Variants in HEPHL1 observed in about 807,000 individuals in gnomAD.
HEPHL1 encodes the protein ferroxidase HEPHL1.
In HEPHL1, 123 loss-of-function variants were observed where a neutral mutation model predicts 122.0. The ratio of observed to expected loss-of-function variants is 1.01; its 90% CI spans 0.87 to 1.17. HEPHL1 has a LOEUF of 1.17. Ranked by LOEUF, HEPHL1 falls within the 50% of genes most tolerant of loss-of-function variation. The probability of loss-of-function intolerance (pLI) is 0.00; values close to 1 mark genes in which losing one functional copy is unlikely to be tolerated. For synonymous variants in HEPHL1, 527 were observed against 508.9 expected, an observed-to-expected ratio of 1.04 and a Z score of -0.48; for missense variants, 1,452 against 1,430.5, an observed-to-expected ratio of 1.01 and a Z score of -0.24.
chr11:94,030,207 C>CCCATTGT (rs1340089661), intron 1 of HEPHL1, among the ~76,000 whole-genome samples: 1 of 152,182 alleles, frequency 6.6e-6, no homozygotes, highest in Non-Finnish European at 1.5e-5. Flanking sequence ...CCTTGCTGTG[C>CCCATTGT]CACCTTACTG....
chr11:94,104,493 A>G (rs1277443682), intron 15 of HEPHL1, 35 bp from the exon 16 acceptor site: 1 of 1,404,292 alleles, frequency 7.1e-7, no homozygotes, highest in Admixed American at 1.7e-5. Context: ...AAATTACTTA[A>G]TGGCTCTTTT....
intron 2 of HEPHL1, chr11:94,055,609 A>T (rs1591471199): frequency 2.8e-6 from 1 of 357,660 alleles, no homozygotes; most frequent in South Asian, 2.3e-5. Context: ...TCTCTTAGTG[A>T]TGTACAGCAG....
intron 1 of HEPHL1, among the ~76,000 whole-genome samples, chr11:94,044,968 T>A (rs961685462): frequency 7.2e-5 from 11 of 152,078 alleles, no homozygotes; most frequent in Non-Finnish European, 1.0e-4. Context: ...CAGGCTGGCA[T>A]GATCATGGCT....
At chr11:94,101,372 G>T in intron 14 of HEPHL1, 37 bp downstream of exon 14, 1 of 1,587,744 alleles carries the variant, frequency 6.3e-7, no homozygotes, top group Non-Finnish European at 8.6e-7. Flanking sequence ...TCTTGAAGAA[G>T]AACATTGGCG....
At chr11:94,080,171 A>G (rs2945639) in intron 9 of HEPHL1, among the ~76,000 whole-genome samples, 76,744 of 152,004 alleles carry the variant, frequency 0.5, 19,660 homozygotes, top group Admixed American at 0.58. Flanking sequence ...TCTTTGACAA[A>G]CCTGACAAAA....
chr11:94,053,846 T>A (rs1215871401), intron 2 of HEPHL1, among the ~76,000 whole-genome samples: 1 of 152,260 alleles, frequency 6.6e-6, no homozygotes, highest in Admixed American at 6.5e-5. Flanking sequence ...CTTTTCAATG[T>A]ATTGAAACTT....
At chr11:94,055,681 G>C (rs1945930613) in intron 2 of HEPHL1, 1 of 387,760 alleles carries the variant, frequency 2.6e-6, no homozygotes, top group African/African-American at 2.0e-5. Flanking sequence ...GCTAGTGACA[G>C]GCTGGAAGAC....
intron 10 of HEPHL1, among the ~76,000 whole-genome samples, chr11:94,083,767 A>T (rs1946193710): frequency 6.6e-6 from 1 of 151,970 alleles, no homozygotes; most frequent in Admixed American, 6.6e-5. Context: ...GGAGTAGTAC[A>T]TTTCAGTGTC....
intron 17 of HEPHL1, among the ~76,000 whole-genome samples, chr11:94,107,095 A>G (rs147792519): frequency 1.3e-5 from 2 of 152,356 alleles, no homozygotes; most frequent in African/African-American, 4.8e-5. Context: ...CGAAGTTCTC[A>G]GTGCTTTCTA....
intron 12 of HEPHL1, among the ~76,000 whole-genome samples, chr11:94,090,721 C>T (rs190336839): frequency 6.6e-6 from 1 of 152,206 alleles, no homozygotes; most frequent in South Asian, 2.1e-4. Flanking sequence ...CCCAGTGACA[C>T]ATACCCCTTC....
chr11:94,033,226 C>A (rs1056114276), intron 1 of HEPHL1, among the ~76,000 whole-genome samples: 2 of 152,154 alleles, frequency 1.3e-5, no homozygotes, highest in African/African-American at 4.8e-5. Flanking sequence ...TTGCCTTATG[C>A]CCCTTAGTTG....
chr11:94,089,681 C>T (rs999415704), intron 12 of HEPHL1, among the ~76,000 whole-genome samples: 1 of 151,764 alleles, frequency 6.6e-6, no homozygotes, highest in East Asian at 1.9e-4. Flanking sequence ...AGAAGGCAGG[C>T]GCAGACCACA....
intron 15 of HEPHL1, among the ~76,000 whole-genome samples, chr11:94,104,167 T>C (rs1398657741): frequency 1.3e-5 from 2 of 152,150 alleles, no homozygotes; most frequent in Non-Finnish European, 2.9e-5. Flanking sequence ...AGGGAGTGTT[T>C]GGGACATGTT....
intron 4 of HEPHL1, among the ~76,000 whole-genome samples, chr11:94,066,933 T>C (rs1055737525): frequency 6.6e-5 from 10 of 152,360 alleles, no homozygotes; most frequent in Middle Eastern, 6.8e-3. Flanking sequence ...TGTTTTTCTC[T>C]TGGCTTTTTA....
At chr11:94,078,987 C>T (rs572634936) in intron 9 of HEPHL1, among the ~76,000 whole-genome samples, 1 of 152,292 alleles carries the variant, frequency 6.6e-6, no homozygotes, top group South Asian at 2.1e-4. Context: ...CTTGGGCTAA[C>T]TTCCCACCCT....
chr11:94,050,032 T>C (rs1945876341), intron 2 of HEPHL1, among the ~76,000 whole-genome samples: 1 of 152,184 alleles, frequency 6.6e-6, no homozygotes, highest in Non-Finnish European at 1.5e-5. Context: ...AGTAATGTTT[T>C]AGTTTTTAGT....
At chr11:94,042,872 T>TAAAAAAAAAAAAAAA (rs1181820453) in intron 1 of HEPHL1, among the ~76,000 whole-genome samples, 1 of 1,202 alleles carries the variant, frequency 8.3e-4, no homozygotes, top group Non-Finnish European at 1.9e-3. Flanking sequence ...ACTTAAAGTA[T>TAAAAAAAAAAAAAAA]AATAAAAAAA....
chr11:94,097,364 G>T (rs181063670), intron 13 of HEPHL1, among the ~76,000 whole-genome samples: 1 of 152,282 alleles, frequency 6.6e-6, no homozygotes. Context: ...TAGTTTGATT[G>T]CACTGTGGTC....
At chr11:94,098,114 T>C (rs1281667916) in intron 13 of HEPHL1, among the ~76,000 whole-genome samples, 2 of 152,246 alleles carry the variant, frequency 1.3e-5, no homozygotes, top group African/African-American at 4.8e-5. Context: ...CTAGCATCGA[T>C]GATCTTTACA....
Sources: gnomAD v4.1 joint callset for allele counts (sites outside exome capture counted in the v4.1 genomes callset) on GRCh38, gnomAD v4.1.1 for gene constraint, MANE v1.5 for transcripts, NCBI Gene and HGNC (gene_info 2026-07-23, HGNC 2026-07-21) for gene names.